IL4I1: variants seen among roughly 807,000 people sequenced by gnomAD.
The protein encoded by IL4I1 is L-amino-acid oxidase.
Under a neutral mutation model 29.7 loss-of-function variants are expected in IL4I1, and 24 were observed. The ratio of observed to expected loss-of-function variants is 0.81; its 90% CI spans 0.59 to 1.14. The LOEUF (loss-of-function observed/expected upper bound fraction) is 1.14, where lower values mean the gene tolerates loss of function less well. IL4I1 is among the 50% of genes most tolerant of loss of function. The pLI is 0.00. For synonymous variants in IL4I1, 371 were observed against 352.5 expected, an observed-to-expected ratio of 1.05 and a Z score of -0.59; for missense variants, 686 against 785.6, an observed-to-expected ratio of 0.87 and a Z score of 1.52.
upstream of IL4I1, chr19:49,896,897 G>A (rs2075218738): frequency 3.0e-6 from 3 of 985,428 alleles, no homozygotes; most frequent in South Asian, 9.4e-5. Flanking sequence ...TGTCTCTGCT[G>A]TGGCCCTTTC....
chr19:49,890,937 C>CCCCCCCCCCCCCCCCCCG (rs1555817578), intron 7 of IL4I1, 34 bp downstream of exon 7: 3 of 160,026 alleles, frequency 1.9e-5, no homozygotes, highest in Middle Eastern at 1.8e-3. Flanking sequence ...TTGCCCCCCG[C>CCCCCCCCCCCCCCCCCCG]CCCCCCCCCC....
At position 49,895,112 on chromosome 19, in the gene IL4I1, GC is replaced by G; in HGVS notation, c.320del (p.Gly107AlafsTer29). ...GCATGGCTCCCAGCTCCCCAATCCA[GC>G]CCGTGTTCTGGTCCCGGTAGGTGAA... Reference protein sequence around the residue: ...RIFTYRDQNTGWIGELGAMRM... With the variant: ...RIFTYRDQNTXWIGELGAMRM... On this transcript the variant is annotated frameshift_variant, in exon 4 of 8. Coordinates refer to ENST00000391826, the MANE Select transcript of IL4I1 (RefSeq NM_152899.2). LOFTEE classifies it high-confidence loss of function. 6.2e-7 allele frequency: 1 copy of G among 1,613,864 alleles called. No homozygotes were observed. Among genetic ancestry groups the G allele is most frequent in the South Asian group, 1.1e-5 (1 of 91,088 alleles).
At chr19:49,905,673 T>C (rs1404873641) in intron 2 of IL4I1, among the ~76,000 whole-genome samples, 1 of 152,122 alleles carries the variant, frequency 6.6e-6, no homozygotes, top group East Asian at 1.9e-4. Flanking sequence ...CTCGGCTCAC[T>C]GCAACCTCCA....
intron 5 of IL4I1, among the ~76,000 whole-genome samples, chr19:49,893,813 C>A (rs895637894): frequency 6.6e-6 from 1 of 151,410 alleles, no homozygotes; most frequent in Non-Finnish European, 1.5e-5. Context: ...ATGGTGAAAC[C>A]CCGTCTCTAT....
At chr19:49,906,180 C>T (rs957848368) in intron 2 of IL4I1, among the ~76,000 whole-genome samples, 4 of 151,990 alleles carry the variant, frequency 2.6e-5, no homozygotes, top group African/African-American at 9.7e-5. Flanking sequence ...ACTGGAATAG[C>T]GCCTTAGGGA....
In IL4I1 at chr19:49,890,278, C is replaced by T. The variant is rs1254854025; in HGVS notation, c.1096G>A (p.Glu366Lys). ...FLSFRRPFWREEHIEGGHSNT... is the reference protein window; with the variant it reads ...FLSFRRPFWRKEHIEGGHSNT... ...GAGTGGCCGCCTTCAATGTGCTCCT[C>T]GCGCCAGAAGGGCCTGCGGAAGCTT... Residue 366 changes from glutamate (E) to lysine (K), a missense_variant, in exon 8 of 8, where the codon GAG becomes AAG. Coordinates refer to ENST00000391826, the MANE Select transcript of IL4I1 (RefSeq NM_152899.2). 1.9e-6 allele frequency: 3 copies of T among 1,593,922 alleles called. No individual in the cohort carries two copies. Among genetic ancestry groups the T allele is most frequent in the Admixed American group, 1.7e-5 (1 of 57,586 alleles).
chr19:49,895,522 TAG>T (rs1392214937), intron 3 of IL4I1, among the ~76,000 whole-genome samples: 1 of 152,124 alleles, frequency 6.6e-6, no homozygotes, highest in East Asian at 1.9e-4. Context: ...ATCCCCTTGG[TAG>T]AGTTTCCCTC....
intron 2 of IL4I1, chr19:49,906,860 C>T (rs1232871398): frequency 6.6e-6 from 1 of 152,212 alleles, no homozygotes; most frequent in Non-Finnish European, 1.5e-5. Flanking sequence ...AGAAAAGCAA[C>T]ATACAGTAAT....
intron 2 of IL4I1, among the ~76,000 whole-genome samples, chr19:49,923,713 G>A (rs2075817448): frequency 6.6e-6 from 1 of 152,224 alleles, no homozygotes; most frequent in Admixed American, 6.5e-5. Context: ...CAAAACCACC[G>A]TCTGCAATGG....
chr19:49,889,931 C>T lies in IL4I1; in HGVS notation c.1443G>A (p.Glu481=). 6.2e-7 allele frequency: 1 copy of T among 1,606,370 alleles called. No homozygotes were observed. The highest frequency in any genetic ancestry group is 8.5e-7 in the Non-Finnish European group (1 of 1,177,050). ...CCCAGCCGTGCGGGTAGGCGGTGTG[C>T]TCGCCGGCAAAGTAGATGCGGCCAT... ...VPYGRIYFAG[E]HTAYPHGWVE... is the part of the protein sequence containing the mutation. Residue 481 remains glutamate (E), a synonymous_variant, in exon 8 of 8, where the codon GAG becomes GAA. Coordinates refer to ENST00000391826, the MANE Select transcript of IL4I1 (RefSeq NM_152899.2).
At chr19:49,890,714 C>A (rs1316056662) in intron 7 of IL4I1, 114 bp from the exon 8 acceptor site, 1 of 996,456 alleles carries the variant, frequency 1.0e-6, no homozygotes, top group Admixed American at 3.0e-5. Flanking sequence ...CCCGCTCCCC[C>A]GTCATCCACC....
At chr19:49,909,548 C>T in intron 2 of IL4I1, 1 of 1,614,140 alleles carries the variant, frequency 6.2e-7, no homozygotes, top group Middle Eastern at 1.6e-4. Flanking sequence ...CAAAGAAAAT[C>T]CAGTTCCCCC....
intron 2 of IL4I1, among the ~76,000 whole-genome samples, chr19:49,923,882 C>T (rs1438285525): frequency 6.6e-6 from 1 of 152,216 alleles, no homozygotes; most frequent in Admixed American, 6.5e-5. Flanking sequence ...CGAGGCTCGG[C>T]AGATGAGGGC....
intron 2 of IL4I1, among the ~76,000 whole-genome samples, chr19:49,910,854 G>A (rs973954373): frequency 6.6e-6 from 1 of 152,200 alleles, no homozygotes; most frequent in South Asian, 2.1e-4. Context: ...TCAGCAGGAA[G>A]GTCAAAGGTT....
rs771937371 is a variant in IL4I1, at chr19:49,890,184, G to T, written c.1190C>A (p.Ser397Ter). 2.9e-5 allele frequency: 44 copies of T among 1,542,596 alleles called. No individual in the cohort carries two copies. Among genetic ancestry groups the T allele is most frequent in the Non-Finnish European group, 3.9e-5 (44 of 1,142,200 alleles). ...PPREGALLLA[S>*]YTWSDAAAAF... ...TGCCGCCGCGTCCGACCACGTGTAC[G>T]AGGCCAGCAGCAGCGCGCCCTCGCG... Residue 397 changes from serine (S) to a stop codon, truncating the protein, a stop_gained, in exon 8 of 8, where the codon TCG (serine) becomes TAG (stop). Transcript: ENST00000391826. LOFTEE classifies it low-confidence loss of function (END_TRUNC).
chr19:49,928,188 G>A (rs2122798109), intron 1 of IL4I1: 1 of 152,364 alleles, frequency 6.6e-6, no homozygotes, highest in African/African-American at 2.4e-5. Context: ...AAGTGGTAAG[G>A]AAGAAATGAG....
In IL4I1 at chr19:49,914,098, C is replaced by T. The variant is rs114485633; in HGVS notation, c.-227-9777G>A. Among the ~76,000 whole-genome samples, 485 of 152,238 alleles carry T rather than the reference C, an allele frequency of 3.2e-3. 1 individual carries two copies. Among genetic ancestry groups the T allele is most frequent in the African/African-American group, 0.011 (444 of 41,532 alleles). On this transcript the variant is annotated intron_variant, in intron 2 of 9. Coordinates refer to the IL4I1 transcript ENST00000341114. ...GCATGATGGCTCACACCTGTAATCC[C>T]AGTACTTTCGGAGGCCAAGGCAGGA...
chr19:49,914,439 G>A (rs2075565577), intron 2 of IL4I1, among the ~76,000 whole-genome samples: 1 of 152,154 alleles, frequency 6.6e-6, no homozygotes, highest in South Asian at 2.1e-4. Flanking sequence ...CCAGAGAAGC[G>A]CTGCCTTGAG....
chr19:49,922,019 C>T (rs1051917557), intron 2 of IL4I1, among the ~76,000 whole-genome samples: 1 of 152,224 alleles, frequency 6.6e-6, no homozygotes, highest in African/African-American at 2.4e-5. Flanking sequence ...ACCAAGACAA[C>T]AAGCCCACTC....
Sources: gnomAD v4.1 joint callset for allele counts (sites outside exome capture counted in the v4.1 genomes callset) on GRCh38, gnomAD v4.1.1 for gene constraint, MANE v1.5 for transcripts, NCBI Gene and HGNC (gene_info 2026-07-23, HGNC 2026-07-21) for gene names.